The following DUSP11 variants were observed in gnomAD, a reference collection of about 807,000 sequenced individuals.
DUSP11 encodes the protein dual specificity phosphatase 11.
In DUSP11, 27 loss-of-function variants were observed where a neutral mutation model predicts 41.4. The ratio of observed to expected loss-of-function variants is 0.65; its 90% CI spans 0.48 to 0.90. DUSP11 has a LOEUF of 0.90. Ranked by LOEUF, DUSP11 falls within the 40% of genes least tolerant of loss-of-function variation. DUSP11 has a pLI of 0.00. For missense variants in DUSP11, 465 were observed against 461.1 expected (o/e 1.01, Z -0.08); for synonymous variants, 188 against 159.3 (o/e 1.18, Z -1.35).
At chr2:73,764,278 C>A (rs1672416489) in intron 8 of DUSP11, among the ~76,000 whole-genome samples, 1 of 151,996 alleles carries the variant, frequency 6.6e-6, no homozygotes, top group African/African-American at 2.4e-5. Context: ...TTAAAAATGT[C>A]AATTTTTTTA....
intron 8 of DUSP11, among the ~76,000 whole-genome samples, chr2:73,763,075 C>A (rs111965853): frequency 1.3e-5 from 2 of 151,956 alleles, no homozygotes; most frequent in African/African-American, 2.4e-5. Flanking sequence ...TACTTTTCAC[C>A]TTCACGAGCT....
chr2:73,764,719 C>T (rs942836999), intron 8 of DUSP11, among the ~76,000 whole-genome samples: 1 of 152,206 alleles, frequency 6.6e-6, no homozygotes, highest in Non-Finnish European at 1.5e-5. Context: ...GTAATCCCAG[C>T]ACTTTGGGAG....
chr2:73,775,892 A>G (rs1022592722), intron 2 of DUSP11, among the ~76,000 whole-genome samples: 4 of 140,418 alleles, frequency 2.8e-5, no homozygotes, highest in East Asian at 4.4e-4. Context: ...AAAAAAAGAG[A>G]TAGGGTCTTG....
chr2:73,769,210 T>C (rs1022806381), intron 5 of DUSP11, 55 bp downstream of exon 5: 2 of 1,485,326 alleles, frequency 1.3e-6, no homozygotes, highest in South Asian at 1.2e-5. Flanking sequence ...TACATTACCA[T>C]TGTAAACAGA....
chr2:73,769,381 A>G lies in DUSP11; in HGVS notation c.575-56T>C, dbSNP rs377065158. 29 of 1,201,698 alleles carry G rather than the reference A, an allele frequency of 2.4e-5. No individual in the cohort carries two copies. In the African/African-American group the frequency reaches 3.6e-4, roughly 15 times the overall value. 74.4% of individuals were successfully genotyped at this position (1,201,698 alleles called of 1,614,324 possible). A position where few individuals can be genotyped will look rare whatever the true frequency, so the allele number is the denominator to read the frequency against. ...TGAAGTAGATACACAAGTATATAACATTATCACTGCCCTGAAAATGAATAA... is the reference window on the plus strand; with the variant it reads ...TGAAGTAGATACACAAGTATATAACGTTATCACTGCCCTGAAAATGAATAA... On this transcript the variant is annotated intron_variant, in intron 4 of 8. Coordinates refer to ENST00000272444, the Ensembl canonical transcript of DUSP11.
intron 5 of DUSP11, 33 bp downstream of exon 5, chr2:73,769,232 T>C (rs776222992): frequency 6.3e-7 from 1 of 1,584,076 alleles, no homozygotes; most frequent in Admixed American, 1.7e-5. Flanking sequence ...AAAAACAATT[T>C]AAAATGGTCT....
intron 2 of DUSP11, among the ~76,000 whole-genome samples, chr2:73,775,245 T>A (rs1573183986): frequency 1.3e-5 from 2 of 152,166 alleles, no homozygotes; most frequent in Non-Finnish European, 2.9e-5. Context: ...TCTATATATG[T>A]ATTTCTGTAT....
chr2:73,767,214 A>C lies in DUSP11; in HGVS notation c.636-7T>G, dbSNP rs747960782. The C allele has an allele frequency of 6.2e-7, 1 of 1,609,780 alleles. No homozygotes were observed. The highest frequency in any genetic ancestry group is 2.2e-5 in the East Asian group (1 of 44,774). On this transcript the variant is annotated splice_region_variant and splice_polypyrimidine_tract_variant and intron_variant, in intron 5 of 8. Coordinates refer to ENST00000272444, the Ensembl canonical transcript of DUSP11. The stretch of plus-strand genomic sequence containing the variant: ...TTCTACATCAATCAAATATCTAACA[A>C]AACAACATAATTTGGGTCATTTATA...
intron 4 of DUSP11, among the ~76,000 whole-genome samples, chr2:73,770,797 C>A (rs1672559228): frequency 6.6e-6 from 1 of 152,132 alleles, no homozygotes; most frequent in African/African-American, 2.4e-5. Flanking sequence ...TTTACAAGGG[C>A]TGATATGATC....
At chr2:73,772,385 T>C (rs901916268) in intron 4 of DUSP11, among the ~76,000 whole-genome samples, 2 of 152,164 alleles carry the variant, frequency 1.3e-5, no homozygotes, top group Non-Finnish European at 2.9e-5. Context: ...AAACTGATTA[T>C]AAACAAGGTC....
intron 4 of DUSP11, among the ~76,000 whole-genome samples, chr2:73,771,761 T>C (rs1485327633): frequency 2.1e-5 from 3 of 140,576 alleles, no homozygotes; most frequent in East Asian, 2.3e-4. Flanking sequence ...CTCGGCCTCC[T>C]AAAGTGCCGG....
chr2:73,765,455 G>A (rs1672442717), intron 8 of DUSP11, among the ~76,000 whole-genome samples: 1 of 152,182 alleles, frequency 6.6e-6, no homozygotes, highest in African/African-American at 2.4e-5. Flanking sequence ...CAGCTTCCCT[G>A]GTTCTCCAGT....
chr2:73,770,267 CCCT>C (rs1672548906), intron 4 of DUSP11, among the ~76,000 whole-genome samples: 1 of 151,736 alleles, frequency 6.6e-6, no homozygotes, highest in African/African-American at 2.4e-5. Flanking sequence ...GTAATCCCAG[CCCT>C]TTGGGAGGCG....
chr2:73,763,450 G>T (rs558823087), intron 8 of DUSP11, among the ~76,000 whole-genome samples: 4 of 152,230 alleles, frequency 2.6e-5, no homozygotes, highest in Admixed American at 1.3e-4. Context: ...GGGGCTGGGC[G>T]TGGTGGCTCG....
intron 4 of DUSP11, among the ~76,000 whole-genome samples, chr2:73,772,860 T>C (rs1672613022): frequency 6.6e-6 from 1 of 152,212 alleles, no homozygotes; most frequent in African/African-American, 2.4e-5. Context: ...ATTCCCTATC[T>C]TCCCACCTCT....
chr2:73,770,010 AT>A (rs2103935622), intron 4 of DUSP11, among the ~76,000 whole-genome samples: 1 of 152,302 alleles, frequency 6.6e-6, no homozygotes, highest in Non-Finnish European at 1.5e-5. Flanking sequence ...TCTTTGCAAA[AT>A]CTGTGTCCAT....
intron 2 of DUSP11, among the ~76,000 whole-genome samples, chr2:73,776,161 T>A (rs1672681520): frequency 6.6e-6 from 1 of 151,914 alleles, no homozygotes; most frequent in Admixed American, 6.6e-5. Context: ...AAGCCTGTAA[T>A]CCCAGCACTT....
rs113046513 is a variant in DUSP11, at chr2:73,771,480, G to T, written c.575-2155C>A. On this transcript the variant is annotated intron_variant, in intron 4 of 8. Coordinates refer to ENST00000272444, the Ensembl canonical transcript of DUSP11. ...TGCACTTAATTTATTCTTTTATTAT[G>T]ATGAACTGTCTTTTTTGTTCTTTTT... Among the ~76,000 whole-genome samples, 657 of 151,814 alleles carry T rather than the reference G, an allele frequency of 4.3e-3. 7 individuals are homozygous for T. Among genetic ancestry groups the T allele is most frequent in the African/African-American group, 0.015 (631 of 41,416 alleles).
chr2:73,764,576 T>C (rs1192958240), intron 8 of DUSP11, among the ~76,000 whole-genome samples: 1 of 152,248 alleles, frequency 6.6e-6, no homozygotes, highest in African/African-American at 2.4e-5. Flanking sequence ...ATAGGCTAAG[T>C]ATCTTATCCA....
Sources: allele counts gnomAD v4.1 joint callset (sites outside exome capture counted in the v4.1 genomes callset), GRCh38; gene constraint gnomAD v4.1.1; transcripts MANE v1.5; gene names NCBI Gene and HGNC (gene_info 2026-07-23, HGNC 2026-07-21).